The following PIP4K2A variants were observed in gnomAD, a reference collection of about 807,000 sequenced individuals.
PIP4K2A encodes phosphatidylinositol 5-phosphate 4-kinase type-2 alpha.
PIP4K2A carries 14 observed loss-of-function variants against 42.9 expected under a neutral mutation model. That is an observed-to-expected ratio of 0.33 (90% CI 0.22 to 0.51). The LOEUF is 0.51. Ranked by LOEUF, PIP4K2A falls within the 20% of genes least tolerant of loss-of-function variation. The pLI is 0.97. For synonymous variants in PIP4K2A, 192 were observed against 192.2 expected (o/e 1.00, Z 0.01); for missense variants, 434 against 519.8 (o/e 0.83, Z 1.61).
chr10:22,639,340 T>C (rs554635254), intron 1 of PIP4K2A, among the ~76,000 whole-genome samples: 34 of 147,528 alleles, frequency 2.3e-4, no homozygotes, highest in Middle Eastern at 3.5e-3. Context: ...TACTTTATAC[T>C]TGAGAAATCA....
intron 3 of PIP4K2A, among the ~76,000 whole-genome samples, chr10:22,600,566 C>A (rs1291040746): frequency 3.3e-5 from 5 of 152,272 alleles, no homozygotes; most frequent in African/African-American, 1.2e-4. Context: ...CGGAAATATT[C>A]TTTTCCCCAA....
At chr10:22,703,800 G>C (rs1482488707) in intron 1 of PIP4K2A, among the ~76,000 whole-genome samples, 1 of 152,208 alleles carries the variant, frequency 6.6e-6, no homozygotes, top group African/African-American at 2.4e-5. Context: ...TCCTGAGAAA[G>C]AAGATTCAAA....
intron 7 of PIP4K2A, among the ~76,000 whole-genome samples, chr10:22,544,065 C>A (rs562441236): frequency 1.3e-5 from 2 of 152,212 alleles, no homozygotes; most frequent in East Asian, 3.9e-4. Context: ...GCAGCTTTCC[C>A]CTCTCCTTTT....
intron 7 of PIP4K2A, among the ~76,000 whole-genome samples, chr10:22,544,195 A>G (rs1836202810): frequency 6.6e-6 from 1 of 152,082 alleles, no homozygotes; most frequent in African/African-American, 2.4e-5. Context: ...CACACATGGC[A>G]CTGCTGTGAT....
intron 6 of PIP4K2A, among the ~76,000 whole-genome samples, chr10:22,555,232 T>C (rs925651317): frequency 5.9e-5 from 9 of 152,162 alleles, no homozygotes; most frequent in Admixed American, 3.9e-4. Context: ...CCAGGCTGCC[T>C]GGGTTGTAGC....
In PIP4K2A at chr10:22,703,911, C is replaced by T. The variant is rs1476545509; in HGVS notation, c.144+10272G>A. On this transcript the variant is annotated intron_variant, in intron 1 of 9. Coordinates refer to ENST00000376573, the MANE Select transcript of PIP4K2A (RefSeq NM_005028.5). ...GCTCCCTACGTTTAAGCTTGAGCAC[C>T]TGGGTCTATGGTGGTCCATTTTCTG... is the stretch of plus-strand genomic sequence containing the variant. Among the ~76,000 whole-genome samples, 5 of 152,098 alleles carry T rather than the reference C, an allele frequency of 3.3e-5. No homozygotes were observed. The East Asian group carries it at 9.6e-4, about 29-fold the overall frequency.
rs1554807180 is a variant in PIP4K2A, at chr10:22,664,062, C to CGT, written c.144+50120_144+50121insAC. Among the ~76,000 whole-genome samples, 12 of 70,200 alleles carry CGT rather than the reference C, an allele frequency of 1.7e-4. 1 individual carries two copies. The highest frequency in any genetic ancestry group is 1.6e-3 in the African/African-American group (12 of 7,418). The allele number at this position is 70,200 out of a possible 152,430, so 46.1% of individuals were successfully genotyped here. On this transcript the variant is annotated intron_variant, in intron 1 of 9. Coordinates refer to ENST00000376573, the MANE Select transcript of PIP4K2A (RefSeq NM_005028.5). ...ATATATATATACATATGTATATATA[C>CGT]ATATATATATATACGTATATATATA...
chr10:22,690,711 AACCGTTTT>A (rs1839850947), intron 1 of PIP4K2A, among the ~76,000 whole-genome samples: 1 of 152,208 alleles, frequency 6.6e-6, no homozygotes, highest in African/African-American at 2.4e-5. Flanking sequence ...GGTAAGAAAT[AACCGTTTT>A]ACAGAAGAGA....
At chr10:22,542,933 G>GC (rs1836160833) in intron 7 of PIP4K2A, among the ~76,000 whole-genome samples, 1 of 152,156 alleles carries the variant, frequency 6.6e-6, no homozygotes, top group Non-Finnish European at 1.5e-5. Context: ...CCGACCTTGG[G>GC]CTCAGGGTCC....
chr10:22,699,001 T>C (rs1011144801), intron 1 of PIP4K2A, among the ~76,000 whole-genome samples: 3 of 152,214 alleles, frequency 2.0e-5, no homozygotes, highest in African/African-American at 4.8e-5. Flanking sequence ...CAAATATTCA[T>C]TGGCATGTGT....
chr10:22,681,896 A>G (rs927179710), intron 1 of PIP4K2A, among the ~76,000 whole-genome samples: 3 of 152,196 alleles, frequency 2.0e-5, no homozygotes, highest in Admixed American at 2.0e-4. Flanking sequence ...ACAAACTGGC[A>G]AACAAATGAG....
chr10:22,541,667 A>G (rs1012059496), intron 8 of PIP4K2A, 137 bp downstream of exon 8: 12 of 1,009,910 alleles, frequency 1.2e-5, no homozygotes, highest in South Asian at 2.0e-5. Context: ...CTTGTCCCCA[A>G]ATCCATTTCT....
chr10:22,621,026 G>C (rs144131446), intron 1 of PIP4K2A, among the ~76,000 whole-genome samples: 32 of 152,328 alleles, frequency 2.1e-4, no homozygotes, highest in South Asian at 4.1e-4. Context: ...AGGGGACAGG[G>C]AAGAGATGCT....
At chr10:22,594,359 T>C (rs1199459039) in intron 3 of PIP4K2A, among the ~76,000 whole-genome samples, 1 of 152,236 alleles carries the variant, frequency 6.6e-6, no homozygotes, top group Non-Finnish European at 1.5e-5. Flanking sequence ...AAGGGTTTAA[T>C]AATACTATGT....
intron 1 of PIP4K2A, among the ~76,000 whole-genome samples, chr10:22,653,671 C>T (rs775500366): frequency 1.3e-5 from 2 of 152,012 alleles, no homozygotes; most frequent in Non-Finnish European, 2.9e-5. Context: ...CCCAGCACTT[C>T]GGGAGGCTGA....
chr10:22,644,582 C>G (rs1255450038), intron 1 of PIP4K2A, among the ~76,000 whole-genome samples: 1 of 152,184 alleles, frequency 6.6e-6, no homozygotes, highest in Non-Finnish European at 1.5e-5. Context: ...CAAATGCCAC[C>G]TTAGCAGATG....
chr10:22,609,642 C>T lies in PIP4K2A; in HGVS notation c.220G>A (p.Val74Met). 2 of 1,598,840 alleles carry T rather than the reference C, an allele frequency of 1.3e-6. No individual in the cohort carries two copies. The highest frequency in any genetic ancestry group is 1.7e-6 in the Non-Finnish European group (2 of 1,166,476). ...TACTTGTTAAAAAGGTGATTGTCCA[C>T]CTTTATTTTTGAATAGGCTTTGAAG... is the stretch of plus-strand genomic sequence containing the variant. Reference protein sequence around the residue: ...DDFKAYSKIKVDNHLFNKENM... With the variant: ...DDFKAYSKIKMDNHLFNKENM... Residue 74 changes from valine (V) to methionine (M), a missense_variant, in exon 2 of 10, where the codon GTG (valine) becomes ATG (methionine). This residue lies in a region of PIP4K2A where 395 missense variants were observed against 444.5 expected (regional missense o/e 0.89). Coordinates refer to ENST00000376573, the MANE Select transcript of PIP4K2A (RefSeq NM_005028.5).
At chr10:22,553,342 G>A (rs779756598) in intron 6 of PIP4K2A, among the ~76,000 whole-genome samples, 5 of 152,168 alleles carry the variant, frequency 3.3e-5, no homozygotes, top group Non-Finnish European at 7.3e-5. Flanking sequence ...GAATCCTGAG[G>A]TTGCAATCCT....
intron 1 of PIP4K2A, among the ~76,000 whole-genome samples, chr10:22,688,383 T>G (rs1354244527): frequency 6.6e-6 from 1 of 152,208 alleles, no homozygotes; most frequent in Non-Finnish European, 1.5e-5. Flanking sequence ...TTTACAGAAT[T>G]TCCTTACGTG....
Sources: gnomAD v4.1 joint callset for allele counts (sites outside exome capture counted in the v4.1 genomes callset) on GRCh38, gnomAD v4.1.1 for gene constraint, gnomAD v4.1.1 regional missense constraint, MANE v1.5 for transcripts, NCBI Gene and HGNC (gene_info 2026-07-23, HGNC 2026-07-21) for gene names.